Variants in PCDHA1 observed in about 807,000 individuals in gnomAD.
PCDHA1 encodes protocadherin alpha-1.
Under a neutral mutation model 61.3 loss-of-function variants are expected in PCDHA1, and 42 were observed. The observed-to-expected ratio is 0.69, with a 90% CI of 0.54 to 0.89. The LOEUF (loss-of-function observed/expected upper bound fraction) is 0.89. Ranked by LOEUF, PCDHA1 falls within the 40% of genes least tolerant of loss-of-function variation. The pLI is 0.00. For missense variants in PCDHA1, 1,256 were observed against 1,235.3 expected (o/e 1.02, Z -0.25); for synonymous variants, 610 against 553.8 (o/e 1.10, Z -1.43).
intron 1 of PCDHA1, chr5:140,871,159 GC>G (rs1562658226): frequency 6.2e-7 from 1 of 1,613,450 alleles, no homozygotes; most frequent in Non-Finnish European, 8.5e-7. Flanking sequence ...GGCGGGCGCC[GC>G]GAGCCCAGAG....
In PCDHA1 at chr5:140,849,950, G is replaced by A. The variant is rs2150459734; in HGVS notation, c.2394+61266G>A. The A allele has an allele frequency of 1.4e-5, 22 of 1,598,026 alleles. 5 individuals carry two copies. In the African/African-American group the frequency reaches 2.5e-4, roughly 19 times the overall value. ...TGTCTGCGCGGGACGCTGACGCGCA[G>A]GAGAACGCCCTGGTGTCCTACTCGC... On this transcript the variant is annotated intron_variant, in intron 1 of 3. Transcript: ENST00000504120.
At chr5:140,916,472 G>A (rs2077581791) in intron 1 of PCDHA1, among the ~76,000 whole-genome samples, 1 of 152,192 alleles carries the variant, frequency 6.6e-6, no homozygotes, top group Non-Finnish European at 1.5e-5. Context: ...TGGTTATTTG[G>A]TGCCCAAGGG....
intron 1 of PCDHA1, among the ~76,000 whole-genome samples, chr5:140,845,875 A>C: frequency 6.7e-6 from 1 of 149,840 alleles, no homozygotes; most frequent in East Asian, 1.9e-4. Context: ...AAGGCAACCT[A>C]AAATGTCAGA....
chr5:140,789,418 C>T (rs1240432168), intron 1 of PCDHA1, among the ~76,000 whole-genome samples: 4 of 152,178 alleles, frequency 2.6e-5, no homozygotes, highest in Non-Finnish European at 5.9e-5. Flanking sequence ...CACCATTGCA[C>T]TCTAACCTGG....
chr5:140,850,333 C>G lies in PCDHA1; in HGVS notation c.2394+61649C>G, dbSNP rs2150480069. 3.1e-6 allele frequency: 5 copies of G among 1,597,624 alleles called. 1 individual carries two copies. The highest frequency in any genetic ancestry group is 4.3e-6 in the Non-Finnish European group (5 of 1,167,680). ...GCGTGGCTTTCATACGAGCTGCAGC[C>G]AGAAACGGCCAGCGCGAGCATCCCG... On this transcript the variant is annotated intron_variant, in intron 1 of 3. Coordinates refer to ENST00000504120, the MANE Select transcript of PCDHA1 (RefSeq NM_018900.4).
chr5:140,876,477 G>A, intron 1 of PCDHA1: 1 of 1,614,034 alleles, frequency 6.2e-7, no homozygotes, highest in Non-Finnish European at 8.5e-7. Flanking sequence ...GTCACAGCAT[G>A]GTCCTGGTGG....
intron 1 of PCDHA1, among the ~76,000 whole-genome samples, chr5:140,978,377 G>GT (rs1554239246): frequency 6.6e-6 from 1 of 152,212 alleles, no homozygotes; most frequent in Non-Finnish European, 1.5e-5. Context: ...GCAATAGTTT[G>GT]TTTTCCTCTC....
rs140322145 is a variant in PCDHA1, at chr5:140,968,725, T to C, written c.2395-10224T>C. ...CCAGGAAGATGGGAGATGAGAGTGG[T>C]AGCACTTTCAACCTGACCGTGGTGG... On this transcript the variant is annotated intron_variant, in intron 1 of 3. Coordinates refer to ENST00000504120, the MANE Select transcript of PCDHA1 (RefSeq NM_018900.4). 3.1e-6 allele frequency: 5 copies of C among 1,613,932 alleles called. No individual in the cohort carries two copies. In the African/African-American group the frequency reaches 6.7e-5, roughly 22 times the overall value.
intron 1 of PCDHA1, chr5:140,812,147 T>TTTGTTGTTGTTGTTGTTGTTG (rs2126635624): frequency 1.4e-4 from 21 of 150,790 alleles, no homozygotes; most frequent in East Asian, 3.9e-4. Flanking sequence ...GTTTTGGGCT[T>TTTGTTGTTGTTGTTGTTGTTG]TTGTTGTTGT....
At chr5:140,850,256 C>T (rs2150475976) in intron 1 of PCDHA1, 11 of 1,594,032 alleles carry the variant, frequency 6.9e-6, no homozygotes, top group Admixed American at 6.8e-5. Context: ...CGGTGGGCGC[C>T]GGCGTAGTGG....
chr5:140,795,015 G>A (rs1241747001), intron 1 of PCDHA1: 3 of 1,613,636 alleles, frequency 1.9e-6, no homozygotes, highest in Non-Finnish European at 2.5e-6. Context: ...GGCTGCTCTC[G>A]CTTCTGCTCC....
intron 1 of PCDHA1, chr5:140,857,783 C>G: frequency 1.3e-6 from 2 of 1,597,710 alleles, no homozygotes; most frequent in Middle Eastern, 1.7e-4. Flanking sequence ...AGTCAGTGAG[C>G]TGGTGCTGCG....
chr5:141,009,315 C>G (rs1292643535), intron 3 of PCDHA1, among the ~76,000 whole-genome samples: 2 of 152,132 alleles, frequency 1.3e-5, no homozygotes, highest in Admixed American at 6.6e-5. Context: ...AAAAGCTAGC[C>G]TGGCATGGGA....
chr5:140,986,247 G>A (rs758689038), intron 3 of PCDHA1, among the ~76,000 whole-genome samples: 1 of 152,012 alleles, frequency 6.6e-6, no homozygotes, highest in Non-Finnish European at 1.5e-5. Context: ...GAGCAGACCC[G>A]GACCACAGGC....
At chr5:140,800,392 A>G (rs1762549642) in intron 1 of PCDHA1, among the ~76,000 whole-genome samples, 1 of 152,212 alleles carries the variant, frequency 6.6e-6, no homozygotes, top group Admixed American at 6.5e-5. Flanking sequence ...CTACAAATTT[A>G]AAAAACCATA....
intron 1 of PCDHA1, among the ~76,000 whole-genome samples, chr5:140,911,609 C>T (rs1554194830): frequency 6.6e-6 from 1 of 152,170 alleles, no homozygotes; most frequent in Non-Finnish European, 1.5e-5. Flanking sequence ...TCATTATGTT[C>T]CTTAGTTCCC....
chr5:140,980,427 C>T (rs551274468), intron 2 of PCDHA1, among the ~76,000 whole-genome samples: 2 of 152,198 alleles, frequency 1.3e-5, no homozygotes, highest in South Asian at 2.1e-4. Flanking sequence ...GTCAAGAGAT[C>T]GAGACCATCC....
chr5:140,936,326 A>G (rs2090913771), intron 1 of PCDHA1, among the ~76,000 whole-genome samples: 1 of 152,138 alleles, frequency 6.6e-6, no homozygotes, highest in South Asian at 2.1e-4. Flanking sequence ...CATGCTATAA[A>G]TTTTCTCTAT....
intron 1 of PCDHA1, among the ~76,000 whole-genome samples, chr5:140,901,174 G>C (rs782712619): frequency 1.3e-5 from 2 of 152,050 alleles, no homozygotes; most frequent in Non-Finnish European, 2.9e-5. Flanking sequence ...TCTTCACTTT[G>C]TTGATTGTTT....
Sources: gnomAD v4.1 joint callset for allele counts (sites outside exome capture counted in the v4.1 genomes callset) on GRCh38, gnomAD v4.1.1 for gene constraint, MANE v1.5 for transcripts, NCBI Gene and HGNC (gene_info 2026-07-23, HGNC 2026-07-21) for gene names.